GRK5: variants seen among roughly 807,000 people sequenced by gnomAD.
GRK5 encodes the protein G protein-coupled receptor kinase 5.
A neutral mutation model predicts 78.4 loss-of-function variants in GRK5; 40 were observed. The observed-to-expected ratio is 0.51, with a 90% CI of 0.40 to 0.66. The LOEUF is 0.66. Ranked by LOEUF, GRK5 falls within the 30% of genes least tolerant of loss-of-function variation. The pLI, the probability that GRK5 is intolerant of heterozygous loss-of-function variation, is 0.00. For missense variants in GRK5, 598 were observed against 759.9 expected (o/e 0.79, Z 2.50); for synonymous variants, 289 against 296.8 (o/e 0.97, Z 0.27).
At chr10:119,232,940 T>C (rs1438706853) in intron 1 of GRK5, among the ~76,000 whole-genome samples, 1 of 152,222 alleles carries the variant, frequency 6.6e-6, no homozygotes, top group East Asian at 1.9e-4. Context: ...ATGTACCCCA[T>C]AAATACGTAG....
intron 1 of GRK5, among the ~76,000 whole-genome samples, chr10:119,218,900 T>TC (rs1848618803): frequency 8.3e-6 from 1 of 120,878 alleles, no homozygotes; most frequent in Admixed American, 8.5e-5. Flanking sequence ...AATCTGAAAC[T>TC]TTTTTTTTTT....
At chr10:119,303,666 G>A (rs1165095769) in intron 1 of GRK5, among the ~76,000 whole-genome samples, 1 of 152,116 alleles carries the variant, frequency 6.6e-6, no homozygotes, top group Non-Finnish European at 1.5e-5. Context: ...AACTCTGGCT[G>A]CTGGGTGGAG....
At chr10:119,270,678 C>A (rs188956518) in intron 1 of GRK5, among the ~76,000 whole-genome samples, 100 of 152,348 alleles carry the variant, frequency 6.6e-4, no homozygotes, top group African/African-American at 2.2e-3. Context: ...CTGCAGAAGA[C>A]CCTCAAATGC....
intron 1 of GRK5, among the ~76,000 whole-genome samples, chr10:119,323,243 A>C (rs1156757038): frequency 1.3e-5 from 2 of 152,236 alleles, no homozygotes; most frequent in African/African-American, 4.8e-5. Context: ...TTCCACAGCA[A>C]TGGGAACGTC....
At chr10:119,369,480 G>A (rs751997423) in intron 2 of GRK5, among the ~76,000 whole-genome samples, 6 of 152,098 alleles carry the variant, frequency 3.9e-5, no homozygotes, top group African/African-American at 1.2e-4. Flanking sequence ...GGCCCCGCAC[G>A]GAAAGGAGAG....
At chr10:119,279,542 A>T (rs575138277) in intron 1 of GRK5, among the ~76,000 whole-genome samples, 1 of 152,286 alleles carries the variant, frequency 6.6e-6, no homozygotes, top group African/African-American at 2.4e-5. Flanking sequence ...GATGGTTAAG[A>T]CCAACTTGAC....
chr10:119,260,789 T>C (rs1849369858), intron 1 of GRK5, among the ~76,000 whole-genome samples: 2 of 150,546 alleles, frequency 1.3e-5, no homozygotes, highest in Admixed American at 6.6e-5. Flanking sequence ...AAATGAAAAG[T>C]CTCCCATGTC....
At chr10:119,243,659 G>A (rs766400602) in intron 1 of GRK5, among the ~76,000 whole-genome samples, 26 of 151,390 alleles carry the variant, frequency 1.7e-4, no homozygotes, top group Non-Finnish European at 2.8e-4. Context: ...TCAAAGAACA[G>A]CTTGCTTAAC....
intron 1 of GRK5, among the ~76,000 whole-genome samples, chr10:119,321,902 TC>T (rs1408506480): frequency 6.6e-6 from 1 of 151,696 alleles, no homozygotes; most frequent in Non-Finnish European, 1.5e-5. Flanking sequence ...CTAACAGATC[TC>T]CCCCAACCCC....
Position 119,207,586 on chromosome 10 carries a change from A to C in GRK5, c.-332A>C. 1 of 278,820 alleles carries C rather than the reference A, an allele frequency of 3.6e-6. No individual in the cohort carries two copies. The highest frequency in any genetic ancestry group is 5.9e-5 in the Admixed American group (1 of 16,936). The allele number at this position is 278,820 out of a possible 1,614,324, so 17.3% of individuals were successfully genotyped here. A position where few individuals can be genotyped will look rare whatever the true frequency, so the allele number is the denominator to read the frequency against. On this transcript the variant is annotated 5_prime_UTR_variant, in exon 1 of 16. Transcript: ENST00000392870. ...GAGGGGAGGCAGAAGCATCCGAGGC[A>C]TTAAAGCATCCGAGGGAGCCGGAGG...
chr10:119,260,678 T>C (rs1369880191), intron 1 of GRK5, among the ~76,000 whole-genome samples: 14 of 151,856 alleles, frequency 9.2e-5, no homozygotes, highest in South Asian at 4.2e-4. Context: ...TCCATTTAAC[T>C]CTGAGTGGAC....
At chr10:119,414,977 A>C (rs1215076950) in intron 4 of GRK5, among the ~76,000 whole-genome samples, 1 of 150,840 alleles carries the variant, frequency 6.6e-6, no homozygotes, top group African/African-American at 2.4e-5. Context: ...AGCTACTCAG[A>C]AGGCTGAGGC....
In GRK5 at chr10:119,279,570, G is replaced by C. The variant is rs1300592662; in HGVS notation, c.53-46946G>C. Among the ~76,000 whole-genome samples, 4 of 152,188 alleles carry C rather than the reference G, an allele frequency of 2.6e-5. No homozygotes were observed. The East Asian group carries it at 7.7e-4, about 29-fold the overall frequency. ...AACTTGACTCCAGTGACAGCAGCAAGGGCTCCTCATTCCTGTTGATGGTGT... is the reference window on the plus strand; with the variant it reads ...AACTTGACTCCAGTGACAGCAGCAACGGCTCCTCATTCCTGTTGATGGTGT... On this transcript the variant is annotated intron_variant, in intron 1 of 15. Coordinates refer to ENST00000392870, the MANE Select transcript of GRK5 (RefSeq NM_005308.3).
intron 1 of GRK5, among the ~76,000 whole-genome samples, chr10:119,277,751 G>A (rs755937192): frequency 3.3e-4 from 50 of 152,112 alleles, no homozygotes; most frequent in Non-Finnish European, 2.9e-4. Context: ...ACCCTAAGCA[G>A]CCACTGTTCT....
chr10:119,299,272 G>A (rs950734865), intron 1 of GRK5, among the ~76,000 whole-genome samples: 8 of 151,988 alleles, frequency 5.3e-5, no homozygotes, highest in Non-Finnish European at 1.0e-4. Flanking sequence ...GCAAAACCCC[G>A]TCTCTACTAA....
intron 1 of GRK5, among the ~76,000 whole-genome samples, chr10:119,322,964 A>T (rs1206748232): frequency 6.6e-6 from 1 of 152,264 alleles, no homozygotes; most frequent in Non-Finnish European, 1.5e-5. Flanking sequence ...ACAGAATATT[A>T]TTCAGCCTTC....
intron 2 of GRK5, among the ~76,000 whole-genome samples, chr10:119,370,834 A>C (rs571164598): frequency 6.6e-6 from 1 of 152,250 alleles, no homozygotes; most frequent in South Asian, 2.1e-4. Context: ...ATTAGGATCT[A>C]TCAGGGACCC....
At chr10:119,360,286 G>T (rs1375095575) in intron 2 of GRK5, among the ~76,000 whole-genome samples, 1 of 152,222 alleles carries the variant, frequency 6.6e-6, no homozygotes, top group African/African-American at 2.4e-5. Context: ...GCCAGAGCTT[G>T]TGTCCATTTC....
At chr10:119,308,206 T>A (rs936330165) in intron 1 of GRK5, among the ~76,000 whole-genome samples, 1 of 152,118 alleles carries the variant, frequency 6.6e-6, no homozygotes, top group African/African-American at 2.4e-5. Flanking sequence ...ACTAGAGCTG[T>A]GCCCACAGCA....
Sources: allele counts gnomAD v4.1 joint callset (sites outside exome capture counted in the v4.1 genomes callset), GRCh38; gene constraint gnomAD v4.1.1; transcripts MANE v1.5; gene names NCBI Gene and HGNC (gene_info 2026-07-23, HGNC 2026-07-21).